The following SUSD4 variants were observed in gnomAD, a reference collection of about 807,000 sequenced individuals.
The protein encoded by SUSD4 is sushi domain-containing protein 4.
SUSD4 carries 41 observed loss-of-function variants against 50.5 expected under a neutral mutation model. The observed-to-expected ratio is 0.81, with a 90% CI of 0.63 to 1.05. The LOEUF (loss-of-function observed/expected upper bound fraction) is 1.05, where lower values mean the gene tolerates loss of function less well. Ranked by LOEUF, SUSD4 falls within the 50% of genes least tolerant of loss-of-function variation. SUSD4 has a pLI of 0.00. For missense variants in SUSD4, 580 were observed against 634.7 expected, an observed-to-expected ratio of 0.91 and a Z score of 0.93; for synonymous variants, 257 against 257.3, an observed-to-expected ratio of 1.00 and a Z score of 0.01.
At chr1:223,293,548 A>AAG (rs1177068429) in intron 2 of SUSD4, among the ~76,000 whole-genome samples, 1 of 152,138 alleles carries the variant, frequency 6.6e-6, no homozygotes, top group Non-Finnish European at 1.5e-5. Context: ...GACTGACTGA[A>AAG]AGAGAGAGAG....
chr1:223,329,127 T>A (rs1667034034), intron 2 of SUSD4, among the ~76,000 whole-genome samples: 1 of 152,154 alleles, frequency 6.6e-6, no homozygotes, highest in Non-Finnish European at 1.5e-5. Flanking sequence ...CTGACCTCTC[T>A]GTGGGTAATT....
chr1:223,304,164 G>A lies in SUSD4; in HGVS notation c.149-11513C>T, dbSNP rs369147151. 2.7e-4 allele frequency among the ~76,000 whole-genome samples: 41 copies of A among 152,234 alleles called. No individual in the cohort carries two copies. In the East Asian group the frequency reaches 3.9e-3, roughly 14 times the overall value. ...CGTTTATAGGCTCTCCACAAGGGTCGCATTCCATTCCCAGAGCTATGAACA... is the reference window on the plus strand; with the variant it reads ...CGTTTATAGGCTCTCCACAAGGGTCACATTCCATTCCCAGAGCTATGAACA... On this transcript the variant is annotated intron_variant, in intron 2 of 8. Transcript: ENST00000366878.
chr1:223,362,950 C>CA (rs1447799828), intron 2 of SUSD4, among the ~76,000 whole-genome samples: 1 of 141,556 alleles, frequency 7.1e-6, no homozygotes, highest in African/African-American at 2.6e-5. Flanking sequence ...ACCCCTCCCC[C>CA]CCCCGCCCCC....
chr1:223,235,280 C>T (rs967782823), intron 5 of SUSD4, among the ~76,000 whole-genome samples: 2 of 152,294 alleles, frequency 1.3e-5, no homozygotes, highest in East Asian at 1.9e-4. Flanking sequence ...CCTGCTCCCA[C>T]GCATGCACAG....
intron 2 of SUSD4, among the ~76,000 whole-genome samples, chr1:223,343,912 C>G (rs569527831): frequency 1.3e-5 from 2 of 152,144 alleles, no homozygotes; most frequent in Admixed American, 1.3e-4. Context: ...CAACAGAGTA[C>G]GAGAACATGG....
intron 3 of SUSD4, among the ~76,000 whole-genome samples, chr1:223,275,441 A>G (rs1663190210): frequency 6.6e-6 from 1 of 152,232 alleles, no homozygotes; most frequent in Non-Finnish European, 1.5e-5. Context: ...CAAGGAAGTG[A>G]CAGAAAGCAC....
intron 2 of SUSD4, among the ~76,000 whole-genome samples, chr1:223,358,666 T>C (rs996584231): frequency 1.3e-5 from 2 of 152,238 alleles, no homozygotes; most frequent in Non-Finnish European, 2.9e-5. Flanking sequence ...ACTTGCCTCT[T>C]CAGGCCTCTG....
intron 2 of SUSD4, among the ~76,000 whole-genome samples, chr1:223,353,846 CT>C (rs1214361289): frequency 6.6e-6 from 1 of 152,072 alleles, no homozygotes; most frequent in Non-Finnish European, 1.5e-5. Context: ...CCCAAAGCCA[CT>C]CATGGCCACA....
intron 2 of SUSD4, among the ~76,000 whole-genome samples, chr1:223,354,226 A>G (rs563090705): frequency 1.9e-4 from 29 of 152,080 alleles, no homozygotes; most frequent in Non-Finnish European, 3.8e-4. Context: ...ATACACAAAT[A>G]AGTCTCCCGC....
chr1:223,301,686 T>A (rs61838197), intron 2 of SUSD4, among the ~76,000 whole-genome samples: 42,396 of 152,110 alleles, frequency 0.28, 7,383 homozygotes, highest in Non-Finnish European at 0.4. Flanking sequence ...AATAACCCTT[T>A]ATGCTGAGGA....
chr1:223,271,207 AC>A (rs1662897317), intron 3 of SUSD4, among the ~76,000 whole-genome samples: 1 of 152,222 alleles, frequency 6.6e-6, no homozygotes, highest in African/African-American at 2.4e-5. Flanking sequence ...TCAGGAGGTG[AC>A]CAGCTATAGA....
intron 2 of SUSD4, among the ~76,000 whole-genome samples, chr1:223,347,035 G>A (rs975704548): frequency 5.3e-5 from 8 of 150,930 alleles, no homozygotes; most frequent in African/African-American, 1.9e-4. Context: ...TTTTTTTTCT[G>A]TGTGAATGTT....
intron 3 of SUSD4, among the ~76,000 whole-genome samples, chr1:223,282,324 G>A (rs1316003058): frequency 3.3e-5 from 5 of 152,160 alleles, no homozygotes; most frequent in African/African-American, 1.2e-4. Flanking sequence ...TGACATGATT[G>A]TATATTTAGA....
chr1:223,242,722 C>T (rs758260073), intron 5 of SUSD4, among the ~76,000 whole-genome samples: 13 of 152,210 alleles, frequency 8.5e-5, no homozygotes, highest in Admixed American at 2.6e-4. Context: ...AAATAATACC[C>T]GCTCACTAGA....
At chr1:223,300,214 C>T (rs1665093961) in intron 2 of SUSD4, among the ~76,000 whole-genome samples, 1 of 152,166 alleles carries the variant, frequency 6.6e-6, no homozygotes, top group African/African-American at 2.4e-5. Context: ...GTCACTGGCA[C>T]CCATTTTCCT....
intron 5 of SUSD4, among the ~76,000 whole-genome samples, chr1:223,250,585 G>A (rs1661235430): frequency 6.6e-6 from 1 of 152,192 alleles, no homozygotes. Context: ...ATGCCATGGG[G>A]TTTTAAGTGA....
At chr1:223,363,545 C>A (rs1669131444) in intron 1 of SUSD4, 85 bp from the exon 2 acceptor site, 8 of 1,331,866 alleles carry the variant, frequency 6.0e-6, no homozygotes, top group Non-Finnish European at 7.8e-6. Flanking sequence ...TGGGACCCGG[C>A]GCCTCGGCTT....
At chr1:223,258,972 T>C (rs150546414) in intron 5 of SUSD4, among the ~76,000 whole-genome samples, 1 of 152,260 alleles carries the variant, frequency 6.6e-6, no homozygotes, top group African/African-American at 2.4e-5. Context: ...GCCTTCAGTG[T>C]AGGTAACAAT....
intron 5 of SUSD4, among the ~76,000 whole-genome samples, chr1:223,236,571 T>G (rs1199980296): frequency 6.6e-6 from 1 of 151,824 alleles, no homozygotes; most frequent in South Asian, 2.1e-4. Flanking sequence ...TTTTTGTATG[T>G]GGATGCCCAA....
Sources: gnomAD v4.1 joint callset for allele counts (sites outside exome capture counted in the v4.1 genomes callset) on GRCh38, gnomAD v4.1.1 for gene constraint, MANE v1.5 for transcripts, NCBI Gene and HGNC (gene_info 2026-07-23, HGNC 2026-07-21) for gene names.